Variants in CCSER1 observed in about 807,000 individuals in gnomAD.
CCSER1 encodes coiled-coil serine rich protein 1.
Under a neutral mutation model 82.0 loss-of-function variants are expected in CCSER1, and 41 were observed. That is an observed-to-expected ratio of 0.50 (90% CI 0.39 to 0.65). The LOEUF (loss-of-function observed/expected upper bound fraction) is 0.65. CCSER1 is among the 30% of genes least tolerant of loss of function. The probability of loss-of-function intolerance (pLI) is 0.00; values close to 1 mark genes in which losing one functional copy is unlikely to be tolerated. For synonymous variants in CCSER1, 414 were observed against 383.9 expected (o/e 1.08, Z -0.92); for missense variants, 1,119 against 1,064.2 (o/e 1.05, Z -0.72).
chr4:90,309,339 T>C lies in CCSER1; in HGVS notation c.1055T>C (p.Ile352Thr), dbSNP rs1734884513. Residue 352 changes from isoleucine (I) to threonine (T), a missense_variant, in exon 2 of 11, where the codon ATT becomes ACT. Physicochemically the swap from Ile to Thr is moderately conservative, Grantham distance 89. Coordinates refer to ENST00000509176, the MANE Select transcript of CCSER1 (RefSeq NM_001145065.2). ...AANQKEVLLQIAELPATSVSH... is the reference protein window; with the variant it reads ...AANQKEVLLQTAELPATSVSH... ...AATCAGAAGGAAGTGTTATTACAAA[T>C]TGCTGAACTACCTGCTACAAGTGTG... 6.2e-7 allele frequency: 1 copy of C among 1,613,688 alleles called. No individual in the cohort carries two copies. Among genetic ancestry groups the C allele is most frequent in the Non-Finnish European group, 8.5e-7 (1 of 1,179,822 alleles).
chr4:90,691,853 A>G (rs961276666), intron 6 of CCSER1, among the ~76,000 whole-genome samples: 1 of 151,494 alleles, frequency 6.6e-6, no homozygotes, highest in African/African-American at 2.4e-5. Flanking sequence ...CCCCCATTCT[A>G]CCTTCCACCC....
chr4:90,403,712 ACTT>A (rs1561173841), intron 4 of CCSER1, among the ~76,000 whole-genome samples: 1 of 152,172 alleles, frequency 6.6e-6, no homozygotes, highest in African/African-American at 2.4e-5. Context: ...TTGAAAAAAT[ACTT>A]CTTAAAGACA....
At chr4:90,137,727 C>T (rs868628466) in intron 1 of CCSER1, among the ~76,000 whole-genome samples, 6 of 152,198 alleles carry the variant, frequency 3.9e-5, no homozygotes, top group Admixed American at 1.3e-4. Flanking sequence ...TCACCTTTGA[C>T]GCAGAGGAGC....
At chr4:91,401,820 T>A (rs1752356377) in intron 10 of CCSER1, among the ~76,000 whole-genome samples, 1 of 152,184 alleles carries the variant, frequency 6.6e-6, no homozygotes, top group Non-Finnish European at 1.5e-5. Flanking sequence ...TTGGGTTGGT[T>A]CCAAGTCTTT....
chr4:90,295,877 T>C (rs1731791896), intron 1 of CCSER1, among the ~76,000 whole-genome samples: 1 of 152,036 alleles, frequency 6.6e-6, no homozygotes, highest in African/African-American at 2.4e-5. Context: ...AATCAGCTTC[T>C]CATGTTTGAA....
chr4:90,809,834 G>A (rs930197055), intron 7 of CCSER1, among the ~76,000 whole-genome samples: 1 of 152,130 alleles, frequency 6.6e-6, no homozygotes, highest in African/African-American at 2.4e-5. Context: ...TGAGGTTACA[G>A]TGAGCCTTGA....
intron 10 of CCSER1, among the ~76,000 whole-genome samples, chr4:91,284,884 A>T (rs995128422): frequency 2.6e-5 from 4 of 152,120 alleles, no homozygotes; most frequent in Non-Finnish European, 4.4e-5. Flanking sequence ...TCCGTGAATC[A>T]CTTCAACAAA....
At chr4:91,428,244 C>G (rs1754103168) in intron 10 of CCSER1, among the ~76,000 whole-genome samples, 1 of 152,064 alleles carries the variant, frequency 6.6e-6, no homozygotes, top group Non-Finnish European at 1.5e-5. Context: ...AGCAATATTG[C>G]TTTCAGTTTG....
chr4:90,300,227 C>A (rs990614213), intron 1 of CCSER1, among the ~76,000 whole-genome samples: 1 of 152,098 alleles, frequency 6.6e-6, no homozygotes, highest in Non-Finnish European at 1.5e-5. Context: ...TTATATACGT[C>A]TTTTCAGTAT....
chr4:90,342,025 G>A (rs564510800), intron 3 of CCSER1, among the ~76,000 whole-genome samples: 1 of 152,218 alleles, frequency 6.6e-6, no homozygotes, highest in Non-Finnish European at 1.5e-5. Flanking sequence ...CGAAAATCTG[G>A]ATTATCTTTA....
chr4:91,070,852 C>A (rs762268204), intron 9 of CCSER1, among the ~76,000 whole-genome samples: 2 of 152,082 alleles, frequency 1.3e-5, no homozygotes, highest in African/African-American at 4.8e-5. Flanking sequence ...AAAATAAAGT[C>A]TTTGTCACTG....
At chr4:91,385,279 T>C (rs979701638) in intron 10 of CCSER1, among the ~76,000 whole-genome samples, 2 of 151,920 alleles carry the variant, frequency 1.3e-5, no homozygotes, top group African/African-American at 4.8e-5. Flanking sequence ...ATGGGGTGAT[T>C]TTTCAAAAGA....
intron 10 of CCSER1, among the ~76,000 whole-genome samples, chr4:91,411,926 T>C (rs1274828250): frequency 2.0e-5 from 3 of 151,958 alleles, no homozygotes; most frequent in Non-Finnish European, 4.4e-5. Context: ...GTTATCCAGA[T>C]GGGCCCAGTG....
intron 6 of CCSER1, among the ~76,000 whole-genome samples, chr4:90,628,641 G>A (rs1312730156): frequency 6.6e-6 from 1 of 152,052 alleles, no homozygotes; most frequent in Admixed American, 6.5e-5. Flanking sequence ...AGTCATTTTT[G>A]TTCCAATAAT....
intron 10 of CCSER1, among the ~76,000 whole-genome samples, chr4:91,432,316 A>T (rs1754377209): frequency 6.6e-6 from 1 of 152,174 alleles, no homozygotes; most frequent in Non-Finnish European, 1.5e-5. Context: ...TTAATTAAAC[A>T]CCTATTTATA....
chr4:90,912,357 C>A (rs1726533781), intron 8 of CCSER1, among the ~76,000 whole-genome samples: 1 of 152,196 alleles, frequency 6.6e-6, no homozygotes, highest in Non-Finnish European at 1.5e-5. Flanking sequence ...GCAGCCTCCA[C>A]TGCTGATACC....
intron 9 of CCSER1, among the ~76,000 whole-genome samples, chr4:91,013,279 G>T (rs1024613417): frequency 7.6e-6 from 1 of 132,328 alleles, no homozygotes; most frequent in East Asian, 2.4e-4. Context: ...TTTTTCTTTT[G>T]TATGTAAATA....
intron 10 of CCSER1, among the ~76,000 whole-genome samples, chr4:91,107,118 A>G (rs1725691912): frequency 6.6e-6 from 1 of 152,234 alleles, no homozygotes; most frequent in Non-Finnish European, 1.5e-5. Context: ...TATTGAGTCT[A>G]ATAACATGCT....
chr4:90,932,773 A>G (rs1221125112), intron 9 of CCSER1, among the ~76,000 whole-genome samples: 2 of 139,688 alleles, frequency 1.4e-5, no homozygotes. Context: ...GGTTGCAGTG[A>G]GCCGAGATTG....
Sources: gnomAD v4.1 joint callset for allele counts (sites outside exome capture counted in the v4.1 genomes callset) on GRCh38, gnomAD v4.1.1 for gene constraint, MANE v1.5 for transcripts, NCBI Gene and HGNC (gene_info 2026-07-23, HGNC 2026-07-21) for gene names.